PHYKPL: variants seen among roughly 807,000 people sequenced by gnomAD.
The protein encoded by PHYKPL is 5-phosphonooxy-L-lysine phospho-lyase.
In PHYKPL, 42 loss-of-function variants were observed where a neutral mutation model predicts 51.3. That is an observed-to-expected ratio of 0.82 (90% CI 0.64 to 1.06). The LOEUF is 1.06. PHYKPL is among the 50% of genes least tolerant of loss of function. PHYKPL has a pLI of 0.00. For missense variants in PHYKPL, 655 were observed against 586.6 expected, an observed-to-expected ratio of 1.12 and a Z score of -1.20; for synonymous variants, 264 against 236.0, an observed-to-expected ratio of 1.12 and a Z score of -1.09.
intron 3 of PHYKPL, 56 bp from the exon 4 acceptor site, chr5:178,225,485 G>A: frequency 6.4e-7 from 1 of 1,566,074 alleles, no homozygotes; most frequent in Admixed American, 1.7e-5. Flanking sequence ...TTCCCAGAGA[G>A]AAATGCTGAG....
chr5:178,217,718 C>T lies in PHYKPL; in HGVS notation c.928-2288G>A, dbSNP rs190828210. Among the ~76,000 whole-genome samples the T allele has an allele frequency of 4.3e-3, 650 of 150,814 alleles. 5 individuals are homozygous for T. The highest frequency in any genetic ancestry group is 0.015 in the African/African-American group (598 of 41,078). On this transcript the variant is annotated intron_variant, in intron 8 of 12. Coordinates refer to ENST00000308158, the MANE Select transcript of PHYKPL (RefSeq NM_153373.4). ...CTAAAAATACAAAAGATTAGCTGGG[C>T]ATCATGGCGGGCGCCTGTAATCACA... is the stretch of plus-strand genomic sequence containing the variant.
chr5:178,209,543 G>A (rs1231683414), intron 12 of PHYKPL: 2 of 1,064,916 alleles, frequency 1.9e-6, no homozygotes, highest in Non-Finnish European at 2.9e-6. Context: ...GTGCAGCAGG[G>A]GTGGGCAGAT....
At chr5:178,230,325 A>T in intron 2 of PHYKPL, 1 of 540,832 alleles carries the variant, frequency 1.8e-6, no homozygotes. Flanking sequence ...CAGCAGAAGA[A>T]CCCTGTCTAG....
At chr5:178,220,450 G>A (rs1452645874) in intron 8 of PHYKPL, among the ~76,000 whole-genome samples, 8 of 151,772 alleles carry the variant, frequency 5.3e-5, no homozygotes, top group Admixed American at 4.6e-4. Context: ...AGCCGAGATC[G>A]CGCCACAGCA....
In PHYKPL at chr5:178,214,869, T is replaced by A. The variant is rs142385761; in HGVS notation, c.1099A>T (p.Ile367Phe). The part of the protein sequence containing the change: ...VGDVRGVGLF[I>F]GVDLIKDEAT... Reference sequence around the variant, plus strand: ...TCATCTTTGATCAGATCCACACCAATGAAGAGCCCAACACCCCTGCAAGGG... The same window carrying A: ...TCATCTTTGATCAGATCCACACCAAAGAAGAGCCCAACACCCCTGCAAGGG... Residue 367 changes from isoleucine to phenylalanine, a missense_variant, in exon 10 of 13, where the codon ATT becomes TTT. Ile to Phe is a conservative substitution (Grantham distance 21). Transcript: ENST00000308158. The A allele has an allele frequency of 3.7e-6, 6 of 1,613,620 alleles. No individual in the cohort carries two copies. Among genetic ancestry groups the A allele is most frequent in the Non-Finnish European group, 5.1e-6 (6 of 1,179,966 alleles).
chr5:178,215,633 C>T, intron 8 of PHYKPL: 1 of 583,124 alleles, frequency 1.7e-6, no homozygotes, highest in East Asian at 3.0e-5. Context: ...GCTAATGTGA[C>T]TGCAACTCAG....
intron 8 of PHYKPL, among the ~76,000 whole-genome samples, chr5:178,219,997 C>T (rs1760810071): frequency 6.6e-6 from 1 of 150,688 alleles, no homozygotes; most frequent in Non-Finnish European, 1.5e-5. Flanking sequence ...AGTTTGAGAC[C>T]AGCCTGGGCA....
chr5:178,225,325 G>T (rs1438187252), intron 4 of PHYKPL, 30 bp downstream of exon 4: 1 of 1,613,042 alleles, frequency 6.2e-7, no homozygotes. Flanking sequence ...CCAGGCTTCT[G>T]GGAACGGTAG....
chr5:178,224,411 A>C (rs1761856719), intron 6 of PHYKPL, 37 bp downstream of exon 6: 4 of 1,518,514 alleles, frequency 2.6e-6, no homozygotes, highest in African/African-American at 1.4e-5. Flanking sequence ...GGTGACATTC[A>C]CTGTTGGCTG....
At chr5:178,225,050 A>C in intron 4 of PHYKPL, 1 of 563,654 alleles carries the variant, frequency 1.8e-6, no homozygotes, top group Non-Finnish European at 3.2e-6. Context: ...GGCTTTGTGC[A>C]CATCACATAC....
chr5:178,223,858 C>T, intron 6 of PHYKPL: 1 of 215,718 alleles, frequency 4.6e-6, no homozygotes. Flanking sequence ...CCCCGTCAGG[C>T]CTCCCCACAG....
At chr5:178,223,801 CCT>C in intron 6 of PHYKPL, 1 of 284,280 alleles carries the variant, frequency 3.5e-6, no homozygotes, top group Non-Finnish European at 7.0e-6. Context: ...AGGTAACACA[CCT>C]CTCTCTCCTA....
chr5:178,232,000 C>T (rs1191446302), intron 1 of PHYKPL: 2 of 1,204,082 alleles, frequency 1.7e-6, no homozygotes, highest in East Asian at 1.1e-4. Flanking sequence ...CGACCTCACC[C>T]ACCGTCCCAC....
In PHYKPL at chr5:178,229,936, T is replaced by C; in HGVS notation, c.338+4A>G. ...TTCCCGGGGGCTGGCCACAGTCCAC[T>C]TACCCAGAATTCAGGAAATAGAACA... On this transcript the variant is annotated splice_donor_region_variant and intron_variant, in intron 3 of 12. Transcript: ENST00000308158. 1 of 1,612,916 alleles carries C rather than the reference T, an allele frequency of 6.2e-7. No individual in the cohort carries two copies. The highest frequency in any genetic ancestry group is 2.2e-5 in the East Asian group (1 of 44,840).
chr5:178,227,321 C>T (rs970203414), intron 3 of PHYKPL, among the ~76,000 whole-genome samples: 4 of 152,320 alleles, frequency 2.6e-5, no homozygotes, highest in Middle Eastern at 3.4e-3. Context: ...ACCAACCCTG[C>T]GAACACCTTG....
chr5:178,210,370 A>T, intron 12 of PHYKPL: 3 of 1,592,672 alleles, frequency 1.9e-6, no homozygotes, highest in Non-Finnish European at 2.6e-6. Flanking sequence ...TTGGAGTCAG[A>T]CAGGCCTGGC....
chr5:178,229,716 T>C, intron 3 of PHYKPL: 3 of 492,374 alleles, frequency 6.1e-6, no homozygotes, highest in Admixed American at 7.0e-5. Context: ...GCTCCAGCAA[T>C]GATCCTAGAA....
At chr5:178,224,331 T>C (rs1025409685) in intron 6 of PHYKPL, 117 bp downstream of exon 6, 2 of 1,144,322 alleles carry the variant, frequency 1.7e-6, no homozygotes, top group Non-Finnish European at 2.4e-6. Context: ...CCCAGATTCC[T>C]GGAGGGCAGG....
At chr5:178,231,358 G>A (rs1763364056) in intron 2 of PHYKPL, 47 bp downstream of exon 2, 2 of 1,613,584 alleles carry the variant, frequency 1.2e-6, no homozygotes, top group Non-Finnish European at 1.7e-6. Context: ...CAGGTTCACA[G>A]CACTGCCTTC....
Sources: gnomAD v4.1 joint callset for allele counts (sites outside exome capture counted in the v4.1 genomes callset) on GRCh38, gnomAD v4.1.1 for gene constraint, MANE v1.5 for transcripts, NCBI Gene and HGNC (gene_info 2026-07-23, HGNC 2026-07-21) for gene names.